Variants in VARS2 observed in about 807,000 individuals in gnomAD.
VARS2 encodes the protein valine--tRNA ligase, mitochondrial.
In VARS2, 105 loss-of-function variants were observed where a neutral mutation model predicts 154.1. The ratio of observed to expected loss-of-function variants is 0.68; its 90% CI spans 0.58 to 0.80. The LOEUF (loss-of-function observed/expected upper bound fraction) is 0.80, where lower values mean the gene tolerates loss of function less well. VARS2 is among the 30% of genes least tolerant of loss of function. VARS2 has a pLI of 0.00. For synonymous variants in VARS2, 483 were observed against 539.5 expected (o/e 0.90, Z 1.45); for missense variants, 1,157 against 1,361.4 (o/e 0.85, Z 2.36).
chr6:30,920,539 G>A lies in VARS2; in HGVS notation c.1397+103G>A. 55 of 1,360,876 alleles carry A rather than the reference G, an allele frequency of 4.0e-5. 1 individual carries two copies. The highest frequency in any genetic ancestry group is 5.2e-5 in the Non-Finnish European group (52 of 1,004,338). The allele number at this position is 1,360,876 out of a possible 1,614,324, so 84.3% of individuals were successfully genotyped here. A position where few individuals can be genotyped will look rare whatever the true frequency, so the allele number is the denominator to read the frequency against. ...GCTCTGCACCCCTCCGTTAGAATAC[G>A]AGCTCCGTGTCGGTTTTATTCGCTA... On this transcript the variant is annotated intron_variant, in intron 14 of 29. Transcript: ENST00000676266. This position sits in a 1 kb window ranked among gnomAD's most constrained non-coding sequence, Gnocchi z 4.6.
In VARS2 at chr6:30,922,746, C is replaced by T; in HGVS notation, c.2078C>T (p.Ala693Val). The part of the protein sequence containing the change: ...EKLRSGNLDP[A>V]ELAIVAAAQK... The stretch of plus-strand genomic sequence containing the variant: ...CTGAGAAGCGGAAATTTGGACCCTG[C>T]AGAGCTGGCCATTGTGGCTGCAGCA... The change falls in exon 22 of 30, where the codon GCA becomes GTA. Residue 693 changes from alanine (A) to valine (V), a missense_variant. By Grantham distance (64) the Ala-to-Val change is moderately conservative. Coordinates refer to ENST00000676266, the MANE Select transcript of VARS2 (RefSeq NM_020442.6). 1 of 1,612,422 alleles carries T rather than the reference C, an allele frequency of 6.2e-7. No individual in the cohort carries two copies. The highest frequency in any genetic ancestry group is 8.5e-7 in the Non-Finnish European group (1 of 1,179,642).
Position 30,917,334 on chromosome 6 carries a change from C to T in VARS2, c.873+110C>T, listed in dbSNP as rs1794239536. ...TGCCTGGATTCAAATCTGATGCCTG[C>T]CTGTTACAGCTGTGTGGCTTTTGGC... On this transcript the variant is annotated intron_variant, in intron 9 of 29. Transcript: ENST00000676266. The surrounding 1 kb of genome is among the most constrained non-coding windows in gnomAD (Gnocchi z 4.4). The T allele has an allele frequency of 3.9e-6, 6 of 1,543,428 alleles. No individual in the cohort carries two copies. The highest frequency in any genetic ancestry group is 5.3e-6 in the Non-Finnish European group (6 of 1,123,310).
Position 30,916,182 on chromosome 6 carries a change from C to A in VARS2, c.604C>A (p.Arg202=), listed in dbSNP as rs1333571243. The change falls in exon 7 of 30, where the codon CGG becomes AGG. Residue 202 remains arginine, a synonymous_variant. Transcript: ENST00000676266. The surrounding 1 kb of genome is among the most constrained non-coding windows in gnomAD (Gnocchi z 4.0). ...AVVEKQLWKE[R]GVRRHELSRE... ...GGTGGAGAAACAACTGTGGAAGGAA[C>A]GGGGAGTGAGGAGACATGAGCTGAG... The A allele has an allele frequency of 1.9e-6, 3 of 1,613,764 alleles. No individual in the cohort carries two copies. Among genetic ancestry groups the A allele is most frequent in the Non-Finnish European group, 1.7e-6 (2 of 1,179,872 alleles).
Position 30,925,874 on chromosome 6 carries a change from C to T in VARS2, c.2962-6C>T. The T allele has an allele frequency of 3.1e-6, 5 of 1,612,562 alleles. No homozygotes were observed. Among genetic ancestry groups the T allele is most frequent in the Non-Finnish European group, 4.2e-6 (5 of 1,180,012 alleles). Reference sequence around the variant, plus strand: ...GTCTGAGCCTTTTCTCCCTGTTCTTCCCCAGGGCCTGGTGGACCCGCAGAT... The same window carrying T: ...GTCTGAGCCTTTTCTCCCTGTTCTTTCCCAGGGCCTGGTGGACCCGCAGAT... On this transcript the variant is annotated splice_polypyrimidine_tract_variant and splice_region_variant and intron_variant, in intron 28 of 29. Coordinates refer to ENST00000676266, the MANE Select transcript of VARS2 (RefSeq NM_020442.6).
Position 30,919,573 on chromosome 6 carries a change from T to C in VARS2, c.1075-185T>C. The stretch of plus-strand genomic sequence containing the variant: ...CATAATAGAGTAATTGTGCTGAGAA[T>C]GAATTTGTCTCTAGGCCCAAAAGCC... On this transcript the variant is annotated intron_variant, in intron 11 of 29. Coordinates refer to ENST00000676266, the MANE Select transcript of VARS2 (RefSeq NM_020442.6). This position sits in a 1 kb window ranked among gnomAD's most constrained non-coding sequence, Gnocchi z 4.5. 1 of 485,496 alleles carries C rather than the reference T, an allele frequency of 2.1e-6. No homozygotes were observed. Among genetic ancestry groups the C allele is most frequent in the Non-Finnish European group, 3.7e-6 (1 of 272,846 alleles). The allele number at this position is 485,496 out of a possible 1,614,324, so 30.1% of individuals were successfully genotyped here. A position where few individuals can be genotyped will look rare whatever the true frequency, so the allele number is the denominator to read the frequency against.
At position 30,921,513 on chromosome 6, in the gene VARS2, G is replaced by T; in HGVS notation, c.1633-76G>T. The T allele has an allele frequency of 6.6e-7, 1 of 1,523,122 alleles. No individual in the cohort carries two copies. Among genetic ancestry groups the T allele is most frequent in the Non-Finnish European group, 8.9e-7 (1 of 1,120,272 alleles). The allele number at this position is 1,523,122 out of a possible 1,614,324, so 94.4% of individuals were successfully genotyped here. On this transcript the variant is annotated intron_variant, in intron 17 of 29. Coordinates refer to ENST00000676266, the MANE Select transcript of VARS2 (RefSeq NM_020442.6). The surrounding 1 kb of genome is among the most constrained non-coding windows in gnomAD (Gnocchi z 4.6). Reference sequence around the variant, plus strand: ...CCTGGCCACTCTAAGACCACATGAGGACGTGAAAACCAAGTGACATTTACA... The same window carrying T: ...CCTGGCCACTCTAAGACCACATGAGTACGTGAAAACCAAGTGACATTTACA...
In VARS2 at chr6:30,914,346, T is replaced by G; in HGVS notation, c.-28+2T>G. ...CTGGGATAGCGGCGGGGCCTCCTGG[T>G]GAGCGCGCGCCGGGGCGGCCTCCGG... On this transcript the variant is annotated splice_donor_variant, in intron 1 of 29. Coordinates refer to ENST00000676266, the MANE Select transcript of VARS2 (RefSeq NM_020442.6). LOFTEE classifies it low-confidence loss of function (5UTR_SPLICE). 8.1e-7 allele frequency: 1 copy of G among 1,238,886 alleles called. No individual in the cohort carries two copies. The highest frequency in any genetic ancestry group is 1.0e-6 in the Non-Finnish European group (1 of 989,968). The allele number at this position is 1,238,886 out of a possible 1,614,324, so 76.7% of individuals were successfully genotyped here.
Position 30,925,305 on chromosome 6 carries a change from G to A in VARS2, c.2705G>A (p.Arg902His), listed in dbSNP as rs183762975. Reference protein sequence around the residue: ...EHWRQPELERRFSRVQEVVQV... With the variant: ...EHWRQPELERHFSRVQEVVQV... Reference sequence around the variant, plus strand: ...TGGCGCCAGCCAGAGCTGGAGCGGCGCTTCTCCCGGGTCCAAGAGGTCGTG... The same window carrying A: ...TGGCGCCAGCCAGAGCTGGAGCGGCACTTCTCCCGGGTCCAAGAGGTCGTG... The change falls in exon 27 of 30, where the codon CGC becomes CAC. Residue 902 changes from arginine (R) to histidine (H), a missense_variant. Arg to His is a conservative substitution (Grantham distance 29). Transcript: ENST00000676266. 9.9e-6 allele frequency: 16 copies of A among 1,612,358 alleles called. No homozygotes were observed. The highest frequency in any genetic ancestry group is 8.3e-5 in the Admixed American group (5 of 59,928).
chr6:30,925,986 C>T lies in VARS2; in HGVS notation c.3068C>T (p.Ala1023Val), dbSNP rs371093969. Reference sequence around the variant, plus strand: ...GCCAGGACCCCATCAGAAGGGGAGGCAGGGACTCAGAGGCAACAAAAGGTA... The same window carrying T: ...GCCAGGACCCCATCAGAAGGGGAGGTAGGGACTCAGAGGCAACAAAAGGTA... Reference protein sequence around the residue: ...LTARTPSEGEAGTQRQQKLSS... With the variant: ...LTARTPSEGEVGTQRQQKLSS... The change falls in exon 29 of 30, where the codon GCA becomes GTA. Residue 1023 changes from alanine (A) to valine (V), a missense_variant. Physicochemically the swap from Ala to Val is moderately conservative, Grantham distance 64 (BLOSUM62 0). Transcript: ENST00000676266. The T allele has an allele frequency of 3.1e-6, 5 of 1,613,108 alleles. No homozygotes were observed. Among genetic ancestry groups the T allele is most frequent in the Non-Finnish European group, 3.4e-6 (4 of 1,180,026 alleles).
At chr6:30,923,933 C>T (rs1469994619) in intron 25 of VARS2, 2 of 350,950 alleles carry the variant, frequency 5.7e-6, no homozygotes, top group African/African-American at 4.3e-5. Context: ...ATCCCCCCCG[C>T]TCCACTGCCA....
rs554977514 is a variant in VARS2, at chr6:30,923,430, C to T, written c.2391C>T (p.Phe797=). ...CTGCCCAGGAGTGTGAGCGGGGCTT[C>T]CTCACCCGAGAGCTCTCGCTCGTCA... ...ALAAQECERG[F]LTRELSLVTH... Residue 797 remains phenylalanine (F), a synonymous_variant, in exon 25 of 30, where the codon TTC becomes TTT. Coordinates refer to ENST00000676266, the MANE Select transcript of VARS2 (RefSeq NM_020442.6). 4 of 1,612,282 alleles carry T rather than the reference C, an allele frequency of 2.5e-6. No individual in the cohort carries two copies. The highest frequency in any genetic ancestry group is 1.3e-5 in the African/African-American group (1 of 75,052).
In VARS2 at chr6:30,921,162, G is replaced by T; in HGVS notation, c.1556+21G>T. On this transcript the variant is annotated intron_variant, in intron 16 of 29. Transcript: ENST00000676266. This position sits in a 1 kb window ranked among gnomAD's most constrained non-coding sequence, Gnocchi z 4.6. ...ATTGGGTAAGGGTAGGGTAAGGGGAGCTCTTGTGGAGATGGGGAGGGGGGA... is the reference window on the plus strand; with the variant it reads ...ATTGGGTAAGGGTAGGGTAAGGGGATCTCTTGTGGAGATGGGGAGGGGGGA... The T allele has an allele frequency of 6.2e-7, 1 of 1,613,964 alleles. No individual in the cohort carries two copies.
rs1489326647 is a variant in VARS2, at chr6:30,916,740, A to C, written c.672-138A>C. 3 of 782,522 alleles carry C rather than the reference A, an allele frequency of 3.8e-6. No homozygotes were observed. Among genetic ancestry groups the C allele is most frequent in the Non-Finnish European group, 6.4e-6 (3 of 465,780 alleles). 48.5% of individuals were successfully genotyped at this position (782,522 alleles called of 1,614,324 possible). Reference sequence around the variant, plus strand: ...ATACTGGGTTTGTAAGTCCATTTCTATTAGCCTCTAGAGGCTAGATCAATG... The same window carrying C: ...ATACTGGGTTTGTAAGTCCATTTCTCTTAGCCTCTAGAGGCTAGATCAATG... On this transcript the variant is annotated intron_variant, in intron 7 of 29. Transcript: ENST00000676266. The surrounding 1 kb of genome is among the most constrained non-coding windows in gnomAD (Gnocchi z 4.0).
At chr6:30,923,931 C>T (rs1015068511) in intron 25 of VARS2, 1 of 349,176 alleles carries the variant, frequency 2.9e-6, no homozygotes, top group Non-Finnish European at 5.3e-6. Context: ...GGATCCCCCC[C>T]GCTCCACTGC....
At position 30,921,464 on chromosome 6, in the gene VARS2, T is replaced by G; in HGVS notation, c.1633-125T>G. On this transcript the variant is annotated intron_variant, in intron 17 of 29. Coordinates refer to ENST00000676266, the MANE Select transcript of VARS2 (RefSeq NM_020442.6). This position sits in a 1 kb window ranked among gnomAD's most constrained non-coding sequence, Gnocchi z 4.6. ...CGATCAAGGCTCCCTGAAGTGGCATTTCTTTATCTCACCCCTGGGGGAACC... is the reference window on the plus strand; with the variant it reads ...CGATCAAGGCTCCCTGAAGTGGCATGTCTTTATCTCACCCCTGGGGGAACC... 1 of 1,423,552 alleles carries G rather than the reference T, an allele frequency of 7.0e-7. No individual in the cohort carries two copies. The highest frequency in any genetic ancestry group is 9.7e-7 in the Non-Finnish European group (1 of 1,032,002). The allele number at this position is 1,423,552 out of a possible 1,614,324, so 88.2% of individuals were successfully genotyped here. A position where few individuals can be genotyped will look rare whatever the true frequency, so the allele number is the denominator to read the frequency against.
Position 30,921,736 on chromosome 6 carries a change from T to C in VARS2, c.1735+45T>C, listed in dbSNP as rs780199467. The C allele has an allele frequency of 6.4e-7, 1 of 1,551,890 alleles. No homozygotes were observed. The highest frequency in any genetic ancestry group is 8.7e-7 in the Non-Finnish European group (1 of 1,148,060). On this transcript the variant is annotated intron_variant, in intron 18 of 29. Coordinates refer to ENST00000676266, the MANE Select transcript of VARS2 (RefSeq NM_020442.6). This position sits in a 1 kb window ranked among gnomAD's most constrained non-coding sequence, Gnocchi z 4.6. ...AGGGATGTACAGGGGAGCGGGGGCC[T>C]GGGCATCTGGGCCTTTGAGGGGAAC...
rs561052092 is a variant in VARS2 at position 30,921,489 on chromosome 6, C to G, written c.1633-100C>G. 5 of 1,466,876 alleles carry G rather than the reference C, an allele frequency of 3.4e-6. No individual in the cohort carries two copies. The South Asian group carries it at 4.8e-5, about 14-fold the overall frequency. 90.9% of individuals were successfully genotyped at this position (1,466,876 alleles called of 1,614,324 possible). ...TTCTTTATCTCACCCCTGGGGGAACCTGGCCACTCTAAGACCACATGAGGA... is the reference window on the plus strand; with the variant it reads ...TTCTTTATCTCACCCCTGGGGGAACGTGGCCACTCTAAGACCACATGAGGA... On this transcript the variant is annotated intron_variant, in intron 17 of 29. Coordinates refer to ENST00000676266, the MANE Select transcript of VARS2 (RefSeq NM_020442.6). The surrounding 1 kb of genome is among the most constrained non-coding windows in gnomAD (Gnocchi z 4.6).
At position 30,922,191 on chromosome 6, in the gene VARS2, C is replaced by T. The variant is rs1254895986; in HGVS notation, c.1882C>T (p.Arg628Cys). 4.3e-6 allele frequency: 7 copies of T among 1,612,740 alleles called. No homozygotes were observed. Among genetic ancestry groups the T allele is most frequent in the East Asian group, 2.2e-5 (1 of 44,872 alleles). Reference protein sequence around the residue: ...GSDLLLFWVGRMVMLGTQLTG... With the variant: ...GSDLLLFWVGCMVMLGTQLTG... ...CGACCTTCTGCTGTTCTGGGTGGGC[C>T]GCATGGTCATGTTGGGGACCCAGCT... The change falls in exon 20 of 30, where the codon CGC becomes TGC. Residue 628 changes from arginine (R) to cysteine (C), a missense_variant. Physicochemically the swap from Arg to Cys is radical, Grantham distance 180. Transcript: ENST00000676266.
In VARS2 at chr6:30,920,665, C is replaced by T. The variant is rs982152407; in HGVS notation, c.1398-3C>T. 18 of 1,574,212 alleles carry T rather than the reference C, an allele frequency of 1.1e-5. No homozygotes were observed. The highest frequency in any genetic ancestry group is 9.3e-5 in the Admixed American group (5 of 53,934). On this transcript the variant is annotated splice_polypyrimidine_tract_variant and splice_region_variant and intron_variant, in intron 14 of 29. Coordinates refer to ENST00000676266, the MANE Select transcript of VARS2 (RefSeq NM_020442.6). This position sits in a 1 kb window ranked among gnomAD's most constrained non-coding sequence, Gnocchi z 4.6. The stretch of plus-strand genomic sequence containing the variant: ...CAGTGGACTCACCCTGTCTCTCTTT[C>T]AGCCGTTCTGGGGATGTGATAGAAT...
Sources: gnomAD v4.1 joint callset for allele counts on GRCh38, gnomAD v4.1.1 for gene constraint, Gnocchi (gnomAD v3.1) non-coding constraint, MANE v1.5 for transcripts, NCBI Gene and HGNC (gene_info 2026-07-23, HGNC 2026-07-21) for gene names.